SMIM23: variants seen among roughly 807,000 people sequenced by gnomAD.
SMIM23 encodes small integral membrane protein 23, also known as CTB-78H18.1.
In SMIM23, 10 loss-of-function variants were observed where a neutral mutation model predicts 12.8. The observed-to-expected ratio is 0.78, with a 90% CI of 0.48 to 1.32. The LOEUF (loss-of-function observed/expected upper bound fraction) is 1.32. Among genes scored for constraint, SMIM23 ranks in the 40% most tolerant of loss-of-function variants. The pLI, the probability that SMIM23 is intolerant of heterozygous loss-of-function variation, is 0.00. For synonymous variants in SMIM23, 78 were observed against 80.1 expected (o/e 0.97, Z 0.14); for missense variants, 184 against 198.2 (o/e 0.93, Z 0.43).
At chr5:171,788,687 A>G (rs921524409) in intron 1 of SMIM23, among the ~76,000 whole-genome samples, 1 of 152,228 alleles carries the variant, frequency 6.6e-6, no homozygotes, top group Non-Finnish European at 1.5e-5. Flanking sequence ...TACAGGCCCA[A>G]AAGTTTTCAC....
intron 3 of SMIM23, 75 bp from the exon 4 acceptor site, chr5:171,790,720 T>C (rs1755906866): frequency 3.3e-6 from 5 of 1,505,362 alleles, no homozygotes; most frequent in South Asian, 2.4e-5. Context: ...AGGGATCTTT[T>C]TGAAACCAGT....
At chr5:171,784,300 TC>T (rs1433856127), upstream of SMIM23, among the ~76,000 whole-genome samples, 2 of 151,824 alleles carry the variant, frequency 1.3e-5, no homozygotes, top group Non-Finnish European at 2.9e-5. Context: ...GGTCAGGAGA[TC>T]AAGACCATCC....
At chr5:171,778,251 G>A (rs1457994389), upstream of SMIM23, among the ~76,000 whole-genome samples, 1 of 152,044 alleles carries the variant, frequency 6.6e-6, no homozygotes, top group Admixed American at 6.5e-5. Flanking sequence ...CAGCTACTTG[G>A]GAGGCTGAGG....
At chr5:171,777,173 T>G in the SMIM23 span, among the ~76,000 whole-genome samples, 1 of 152,170 alleles carries the variant, frequency 6.6e-6, no homozygotes, top group East Asian at 1.9e-4. Context: ...ATAAGAGTTG[T>G]GTCTGGTCCT....
chr5:171,789,037 G>A (rs768831211), intron 1 of SMIM23, among the ~76,000 whole-genome samples: 4 of 152,268 alleles, frequency 2.6e-5, no homozygotes, highest in Non-Finnish European at 5.9e-5. Flanking sequence ...ACGGGGTTTC[G>A]CCATGTTGGC....
At position 171,790,462 on chromosome 5, in the gene SMIM23, G is replaced by A. The variant is rs1471705581; in HGVS notation, c.158-20G>A. 2 of 1,536,424 alleles carry A rather than the reference G, an allele frequency of 1.3e-6. No homozygotes were observed. Among genetic ancestry groups the A allele is most frequent in the Admixed American group, 3.9e-5 (2 of 50,998 alleles). On this transcript the variant is annotated intron_variant, in intron 2 of 3. Coordinates refer to ENST00000523047, the MANE Select transcript of SMIM23 (RefSeq NM_001289970.2). Reference sequence around the variant, plus strand: ...TAGTGCTCATTTGCTCTTCAGAGGTGATGTTTGTGCCTGTTTCAGGAAGCA... The same window carrying A: ...TAGTGCTCATTTGCTCTTCAGAGGTAATGTTTGTGCCTGTTTCAGGAAGCA...
At chr5:171,773,697 G>A in the SMIM23 span, 2 of 439,986 alleles carry the variant, frequency 4.5e-6, no homozygotes, top group Admixed American at 2.6e-5. Flanking sequence ...TAGCCAGCAA[G>A]AGCAGCCAGG....
upstream of SMIM23, among the ~76,000 whole-genome samples, chr5:171,779,014 T>C (rs1432741397): frequency 6.6e-6 from 1 of 152,168 alleles, no homozygotes; most frequent in Admixed American, 6.5e-5. Context: ...TGGCTCGCCA[T>C]AGCAGGTAGC....
At chr5:171,779,121 G>A (rs1020789829), upstream of SMIM23, among the ~76,000 whole-genome samples, 2 of 152,208 alleles carry the variant, frequency 1.3e-5, no homozygotes, top group South Asian at 2.1e-4. Flanking sequence ...GATGGCGTAC[G>A]TTGGGCTCAC....
the SMIM23 span, chr5:171,773,895 A>C: frequency 2.2e-6 from 1 of 454,362 alleles, no homozygotes; most frequent in East Asian, 6.9e-5. Context: ...CAGATGGATA[A>C]AGAGACATCC....
the SMIM23 span, chr5:171,773,622 G>A: frequency 7.6e-3 from 2,712 of 356,026 alleles, 19 homozygotes; most frequent in Middle Eastern, 0.042. Context: ...ATTGTGATGA[G>A]ACAACCAAAT....
upstream of SMIM23, chr5:171,782,615 G>T (rs542614370): frequency 2.0e-5 from 3 of 152,146 alleles, no homozygotes; most frequent in Non-Finnish European, 4.4e-5. Flanking sequence ...TCTTCAAAAC[G>T]TAAAAATCAT....
intron 1 of SMIM23, among the ~76,000 whole-genome samples, chr5:171,789,100 G>A (rs545380778): frequency 1.3e-5 from 2 of 152,356 alleles, no homozygotes; most frequent in East Asian, 3.9e-4. Flanking sequence ...CTCCCAAAGT[G>A]TTAGGATTAC....
upstream of SMIM23, among the ~76,000 whole-genome samples, chr5:171,785,702 G>A (rs991340753): frequency 1.3e-5 from 2 of 152,190 alleles, no homozygotes; most frequent in Admixed American, 6.5e-5. Context: ...TAAAAATGAG[G>A]GAAGGGACTA....
At chr5:171,786,974 A>G (rs1581074152) in intron 1 of SMIM23, among the ~76,000 whole-genome samples, 1 of 120,118 alleles carries the variant, frequency 8.3e-6, no homozygotes, top group East Asian at 2.4e-4. Context: ...AGCATTTCCC[A>G]CCTTGATTCT....
chr5:171,778,794 C>A (rs930841277), upstream of SMIM23, among the ~76,000 whole-genome samples: 3 of 152,214 alleles, frequency 2.0e-5, no homozygotes, highest in African/African-American at 7.2e-5. Context: ...ATTTAGAATT[C>A]TTTCATGGCA....
At chr5:171,774,450 C>G in the SMIM23 span, 1 of 456,334 alleles carries the variant, frequency 2.2e-6, no homozygotes, top group Middle Eastern at 3.3e-4. Context: ...CACAGCTCAC[C>G]GTCGGACCTC....
In SMIM23 at chr5:171,790,658, A is replaced by G. The variant is rs139762338; in HGVS notation, c.225+109A>G. On this transcript the variant is annotated intron_variant, in intron 3 of 3. Transcript: ENST00000523047. ...AGATAAGTAGTCGCTTGTCAAGTGC[A>G]GAAGGTGGGAACAGGTACTACGAGC... 5.7e-4 allele frequency: 785 copies of G among 1,375,542 alleles called. 5 individuals are homozygous for G. In the African/African-American group the frequency reaches 9.7e-3, roughly 17 times the overall value. 85.2% of individuals were successfully genotyped at this position (1,375,542 alleles called of 1,614,324 possible). A position where few individuals can be genotyped will look rare whatever the true frequency, so the allele number is the denominator to read the frequency against.
upstream of SMIM23, among the ~76,000 whole-genome samples, chr5:171,783,077 A>G (rs1449638773): frequency 1.3e-5 from 2 of 152,240 alleles, 1 homozygote; most frequent in South Asian, 4.1e-4. Flanking sequence ...AGAATATGAA[A>G]TATTTAGGTA....
Sources: allele counts gnomAD v4.1 joint callset (sites outside exome capture counted in the v4.1 genomes callset), GRCh38; gene constraint gnomAD v4.1.1; transcripts MANE v1.5; gene names NCBI Gene and HGNC (gene_info 2026-07-23, HGNC 2026-07-21).